The following CCSER1 variants were observed in gnomAD, a reference collection of about 807,000 sequenced individuals.
The protein encoded by CCSER1 is serine-rich coiled-coil domain-containing protein 1.
A neutral mutation model predicts 82.0 loss-of-function variants in CCSER1; 41 were observed. The ratio of observed to expected loss-of-function variants is 0.50; its 90% CI spans 0.39 to 0.65. CCSER1 has a LOEUF of 0.65. Ranked by LOEUF, CCSER1 falls within the 30% of genes least tolerant of loss-of-function variation. CCSER1 has a pLI of 0.00. For missense variants in CCSER1, 1,119 were observed against 1,064.2 expected (o/e 1.05, Z -0.72); for synonymous variants, 414 against 383.9 (o/e 1.08, Z -0.92).
rs1744863666 is a variant in CCSER1 at position 91,303,990 on chromosome 4, T to G, written c.2217+217996T>G. Among the ~76,000 whole-genome samples the G allele has an allele frequency of 1.3e-5, 2 of 152,026 alleles. 1 individual carries two copies. Among genetic ancestry groups the G allele is most frequent in the Admixed American group, 1.3e-4 (2 of 15,242 alleles). On this transcript the variant is annotated intron_variant, in intron 10 of 10. Coordinates refer to ENST00000509176, the MANE Select transcript of CCSER1 (RefSeq NM_001145065.2). ...TAATATATATTATTCACACATTTGTTGAGAAAAGCCTTAAGGGAAAGAAAA... is the reference window on the plus strand; with the variant it reads ...TAATATATATTATTCACACATTTGTGGAGAAAAGCCTTAAGGGAAAGAAAA...
intron 10 of CCSER1, among the ~76,000 whole-genome samples, chr4:91,522,690 A>G (rs1485986465): frequency 2.0e-5 from 3 of 152,162 alleles, no homozygotes; most frequent in Non-Finnish European, 4.4e-5. Flanking sequence ...TTATTGGTGT[A>G]TAGGAATGCT....
At chr4:90,534,982 A>G (rs1775130006) in intron 5 of CCSER1, among the ~76,000 whole-genome samples, 1 of 152,194 alleles carries the variant, frequency 6.6e-6, no homozygotes, top group Non-Finnish European at 1.5e-5. Context: ...ATTTAACAAA[A>G]TCACCAGGTT....
At chr4:91,019,551 CAAAT>C (rs1365652359) in intron 9 of CCSER1, among the ~76,000 whole-genome samples, 4 of 152,226 alleles carry the variant, frequency 2.6e-5, no homozygotes, top group Non-Finnish European at 4.4e-5. Flanking sequence ...ATTTATAAGA[CAAAT>C]AAGGTAAAAC....
At chr4:90,630,867 A>G (rs1020692960) in intron 6 of CCSER1, among the ~76,000 whole-genome samples, 4 of 128,968 alleles carry the variant, frequency 3.1e-5, no homozygotes, top group Non-Finnish European at 4.8e-5. Flanking sequence ...CTTTGTTCAC[A>G]GATTATTATT....
intron 8 of CCSER1, among the ~76,000 whole-genome samples, chr4:90,862,130 G>A (rs78555406): frequency 0.057 from 8,641 of 151,620 alleles, 358 homozygotes; most frequent in East Asian, 0.16. Flanking sequence ...AGAACAATTA[G>A]AAGATACATT....
intron 5 of CCSER1, among the ~76,000 whole-genome samples, chr4:90,583,541 A>G (rs1463657497): frequency 6.6e-6 from 1 of 152,150 alleles, no homozygotes; most frequent in Admixed American, 6.5e-5. Context: ...ATTTTTATAG[A>G]TATTAAAAAA....
At chr4:90,296,637 A>C (rs1338367266) in intron 1 of CCSER1, among the ~76,000 whole-genome samples, 1 of 152,084 alleles carries the variant, frequency 6.6e-6, no homozygotes, top group Non-Finnish European at 1.5e-5. Context: ...TCTAACGTTT[A>C]AGTCTTTAAT....
chr4:90,530,678 A>G (rs1560667965), intron 5 of CCSER1, among the ~76,000 whole-genome samples: 2 of 152,242 alleles, frequency 1.3e-5, no homozygotes, highest in East Asian at 1.9e-4. Context: ...GTTATTGACT[A>G]TGTTAATGAG....
intron 5 of CCSER1, among the ~76,000 whole-genome samples, chr4:90,593,199 T>C (rs531302230): frequency 6.6e-6 from 1 of 152,208 alleles, no homozygotes; most frequent in African/African-American, 2.4e-5. Flanking sequence ...ACTCATTTAG[T>C]TGTTCCAATT....
In CCSER1 at chr4:91,402,081, C is replaced by T. The variant is rs375877737; in HGVS notation, c.2218-196491C>T. Among the ~76,000 whole-genome samples the T allele has an allele frequency of 2.6e-4, 40 of 152,108 alleles. No individual in the cohort carries two copies. In the East Asian group the frequency reaches 5.6e-3, roughly 21 times the overall value. ...CACCTGTTTCCTGACTTTTTAATGA[C>T]CGCCATTCTAACTGGTGTGAGATGG... is the stretch of plus-strand genomic sequence containing the variant. On this transcript the variant is annotated intron_variant, in intron 10 of 10. Coordinates refer to ENST00000509176, the MANE Select transcript of CCSER1 (RefSeq NM_001145065.2).
chr4:90,724,916 C>G (rs532818910), intron 7 of CCSER1: 58 of 358,876 alleles, frequency 1.6e-4, no homozygotes, highest in South Asian at 1.3e-3. Flanking sequence ...TTCAATATTG[C>G]TGTCTTGTTG....
At chr4:90,807,752 T>A (rs948401513) in intron 7 of CCSER1, among the ~76,000 whole-genome samples, 1 of 151,554 alleles carries the variant, frequency 6.6e-6, no homozygotes, top group South Asian at 2.1e-4. Flanking sequence ...ACATAAAAAA[T>A]GGAAATACAT....
intron 10 of CCSER1, among the ~76,000 whole-genome samples, chr4:91,445,463 C>A (rs1755494693): frequency 6.6e-6 from 1 of 151,472 alleles, no homozygotes; most frequent in Admixed American, 6.6e-5. Flanking sequence ...ACACTTTCTC[C>A]CAAGCGGTCA....
At chr4:91,269,491 C>A (rs1438221331) in intron 10 of CCSER1, among the ~76,000 whole-genome samples, 1 of 151,982 alleles carries the variant, frequency 6.6e-6, no homozygotes, top group Non-Finnish European at 1.5e-5. Flanking sequence ...GAAATTCCAC[C>A]AAAATGCATT....
intron 9 of CCSER1, among the ~76,000 whole-genome samples, chr4:91,055,311 C>A (rs947769275): frequency 2.6e-5 from 4 of 152,106 alleles, no homozygotes; most frequent in African/African-American, 4.8e-5. Context: ...GTTGATATCA[C>A]AAAATAACAT....
At chr4:91,135,018 C>T (rs1416290023) in intron 10 of CCSER1, among the ~76,000 whole-genome samples, 2 of 151,750 alleles carry the variant, frequency 1.3e-5, no homozygotes, top group Non-Finnish European at 2.9e-5. Context: ...TGAGATTGCA[C>T]CACTCCACTC....
chr4:91,114,562 G>T (rs1726383249), intron 10 of CCSER1, among the ~76,000 whole-genome samples: 1 of 152,176 alleles, frequency 6.6e-6, no homozygotes, highest in Admixed American at 6.5e-5. Flanking sequence ...AACACTGTCA[G>T]AAAGAATGAT....
chr4:90,266,923 AT>A (rs1332881306), intron 1 of CCSER1, among the ~76,000 whole-genome samples: 1 of 151,844 alleles, frequency 6.6e-6, no homozygotes, highest in Non-Finnish European at 1.5e-5. Context: ...CTTGGGGGCT[AT>A]AAGGAGAGGC....
intron 9 of CCSER1, among the ~76,000 whole-genome samples, chr4:91,052,437 A>G (rs1003116806): frequency 1.3e-5 from 2 of 152,014 alleles, no homozygotes; most frequent in East Asian, 3.9e-4. Flanking sequence ...TATATAATCT[A>G]TTGTATTTAT....
Sources: allele counts gnomAD v4.1 joint callset (sites outside exome capture counted in the v4.1 genomes callset), GRCh38; gene constraint gnomAD v4.1.1; transcripts MANE v1.5; gene names NCBI Gene and HGNC (gene_info 2026-07-23, HGNC 2026-07-21).